Variants in TM4SF19 observed in about 807,000 individuals in gnomAD.
TM4SF19 encodes transmembrane 4 L six family member 19.
A neutral mutation model predicts 21.8 loss-of-function variants in TM4SF19; 17 were observed. The observed-to-expected ratio is 0.78, with a 90% confidence interval of 0.53 to 1.17. The LOEUF is 1.17. TM4SF19 is among the 50% of genes most tolerant of loss of function. The pLI is 0.00. For synonymous variants in TM4SF19, 107 were observed against 106.7 expected (o/e 1.00, Z -0.02); for missense variants, 216 against 252.1 (o/e 0.86, Z 0.97).
At chr3:196,327,342 G>A (rs185711966) in intron 2 of TM4SF19, 48 bp downstream of exon 2, 31 of 1,570,134 alleles carry the variant, frequency 2.0e-5, no homozygotes, top group African/African-American at 4.1e-5. Flanking sequence ...CCTGCTCCCC[G>A]CCGGGGTCTC....
chr3:196,328,527 A>T (rs1048120837), intron 1 of TM4SF19, among the ~76,000 whole-genome samples: 4 of 152,224 alleles, frequency 2.6e-5, no homozygotes, highest in Non-Finnish European at 5.9e-5. Context: ...ATATGGATGA[A>T]TTTAACAAAA....
In TM4SF19 at chr3:196,337,249, GT is replaced by G. The variant is rs543807792; in HGVS notation, c.-2+1014del. ...AATTTTGTATTTTTAGTAGTGATGG[GT>G]TTTCGCCATGTGGGTCAGGCTGGCC... On this transcript the variant is annotated intron_variant, in intron 1 of 4. Transcript: ENST00000273695. Among the ~76,000 whole-genome samples, 16 of 151,916 alleles carry G rather than the reference GT, an allele frequency of 1.1e-4. No homozygotes were observed. The East Asian group carries it at 3.1e-3, about 29-fold the overall frequency.
At chr3:196,330,336 G>A (rs1283136067) in intron 1 of TM4SF19, among the ~76,000 whole-genome samples, 9 of 152,006 alleles carry the variant, frequency 5.9e-5, no homozygotes, top group Non-Finnish European at 1.3e-4. Flanking sequence ...TAATGGTAAT[G>A]GTTGCACATC....
intron 1 of TM4SF19, among the ~76,000 whole-genome samples, chr3:196,333,931 T>G (rs886308900): frequency 2.6e-5 from 4 of 152,028 alleles, no homozygotes; most frequent in East Asian, 3.9e-4. Flanking sequence ...AATGGTGGTG[T>G]GCGCCTGTAA....
At chr3:196,326,419 T>C (rs944778993) in intron 3 of TM4SF19, among the ~76,000 whole-genome samples, 8 of 151,382 alleles carry the variant, frequency 5.3e-5, no homozygotes, top group African/African-American at 1.7e-4. Context: ...TGTGTGTTTG[T>C]TACACACACA....
intron 3 of TM4SF19, among the ~76,000 whole-genome samples, chr3:196,326,132 G>A (rs1432732489): frequency 2.6e-5 from 4 of 152,100 alleles, no homozygotes; most frequent in East Asian, 1.9e-4. Context: ...CCACCACCAC[G>A]CCCAGCTAAT....
chr3:196,337,232 A>G (rs961442519), intron 1 of TM4SF19, among the ~76,000 whole-genome samples: 1 of 151,636 alleles, frequency 6.6e-6, no homozygotes, highest in Non-Finnish European at 1.5e-5. Context: ...CTAATTTTGT[A>G]TTTTTAGTAG....
intron 1 of TM4SF19, among the ~76,000 whole-genome samples, chr3:196,337,676 C>G (rs74704626): frequency 6.6e-6 from 1 of 152,210 alleles, no homozygotes; most frequent in Non-Finnish European, 1.5e-5. Context: ...AGTGCCTGTG[C>G]GGCAGGCAGG....
rs62409181 is a variant in TM4SF19 at position 196,325,475 on chromosome 3, C to T, written c.280-1035G>A. On this transcript the variant is annotated intron_variant, in intron 3 of 4. Coordinates refer to ENST00000273695, the MANE Select transcript of TM4SF19 (RefSeq NM_138461.4). The surrounding 1 kb of genome is among the most constrained non-coding windows in gnomAD (Gnocchi z 4.3). ...TCAGCCTCCCAAAGTGCTGGGATTA[C>T]AGGCATGAGCCACCGTGCCCGGCCC... is the stretch of plus-strand genomic sequence containing the variant. 17,064 of 152,286 alleles carry T rather than the reference C, an allele frequency of 0.11. 1,241 individuals carry two copies. Among genetic ancestry groups the T allele is most frequent in the Middle Eastern group, 0.18 (54 of 294 alleles). The allele number at this position is 152,286 out of a possible 1,614,324, so 9.4% of individuals were successfully genotyped here. A position where few individuals can be genotyped will look rare whatever the true frequency, so the allele number is the denominator to read the frequency against.
intron 1 of TM4SF19, among the ~76,000 whole-genome samples, chr3:196,330,141 G>A (rs568337314): frequency 5.5e-5 from 7 of 127,236 alleles, no homozygotes; most frequent in Non-Finnish European, 8.6e-5. Context: ...CACCGCGCGC[G>A]GTGGTTTTGG....
At chr3:196,337,048 ATTCT>A (rs1157588858) in intron 1 of TM4SF19, among the ~76,000 whole-genome samples, 2 of 128,680 alleles carry the variant, frequency 1.6e-5, no homozygotes, top group Non-Finnish European at 3.3e-5. Context: ...GCAAAAAGCA[ATTCT>A]TTTTTTTTTT....
chr3:196,334,611 G>C (rs1410688042), intron 1 of TM4SF19, among the ~76,000 whole-genome samples: 1 of 151,944 alleles, frequency 6.6e-6, no homozygotes. Context: ...ACACCACCAT[G>C]CCCGGCTAAT....
intron 1 of TM4SF19, among the ~76,000 whole-genome samples, chr3:196,336,270 C>A (rs1483970313): frequency 6.6e-6 from 1 of 152,040 alleles, no homozygotes; most frequent in African/African-American, 2.4e-5. Context: ...TCCTGAGTAG[C>A]TGGGATTACA....
In TM4SF19 at chr3:196,331,615, C is replaced by T. The variant is rs1344721925; in HGVS notation, c.-1-4024G>A. ...CCAGCCTGGCCATCATGACGAAACC[C>T]CATCTCTACTAAAAATACAAAACTA... On this transcript the variant is annotated intron_variant, in intron 1 of 4. Transcript: ENST00000273695. Among the ~76,000 whole-genome samples, 6 of 151,818 alleles carry T rather than the reference C, an allele frequency of 4.0e-5. No individual in the cohort carries two copies. In the South Asian group the frequency reaches 8.3e-4, roughly 21 times the overall value.
At chr3:196,337,917 T>G (rs1212974320) in intron 1 of TM4SF19, among the ~76,000 whole-genome samples, 11 of 151,136 alleles carry the variant, frequency 7.3e-5, no homozygotes, top group Non-Finnish European at 1.5e-5. Context: ...ACTCGCTGGA[T>G]TCACAGCTGG....
At position 196,327,378 on chromosome 3, in the gene TM4SF19, C is replaced by G. The variant is rs1420903839; in HGVS notation, c.201+12G>C. ...TTTGAGAGTTCACGTTCAGGGAACC[C>G]CGGACACTTACCATGAGGCCTCCTC... is the stretch of plus-strand genomic sequence containing the variant. On this transcript the variant is annotated intron_variant, in intron 2 of 4. Transcript: ENST00000273695. The G allele has an allele frequency of 5.6e-6, 9 of 1,613,000 alleles. No homozygotes were observed. Among genetic ancestry groups the G allele is most frequent in the African/African-American group, 1.3e-5 (1 of 75,036 alleles).
At chr3:196,331,367 A>G (rs1727499302) in intron 1 of TM4SF19, among the ~76,000 whole-genome samples, 2 of 151,570 alleles carry the variant, frequency 1.3e-5, no homozygotes, top group South Asian at 4.2e-4. Flanking sequence ...ATCTGAAAAA[A>G]GTCAGCGTCA....
intron 1 of TM4SF19, among the ~76,000 whole-genome samples, chr3:196,337,585 T>G (rs1166073569): frequency 6.6e-6 from 1 of 152,146 alleles, no homozygotes; most frequent in African/African-American, 2.4e-5. Context: ...CCTCTAGTGC[T>G]GCTCCGCGGG....
At chr3:196,331,448 CTATT>C (rs201100302) in intron 1 of TM4SF19, among the ~76,000 whole-genome samples, 1,766 of 151,226 alleles carry the variant, frequency 0.012, 12 homozygotes, top group Non-Finnish European at 0.017. Context: ...TTAAGGCTCG[CTATT>C]TATTTATTTA....
Sources: allele counts gnomAD v4.1 joint callset (sites outside exome capture counted in the v4.1 genomes callset), GRCh38; gene constraint gnomAD v4.1.1; non-coding constraint Gnocchi (gnomAD v3.1); transcripts MANE v1.5; gene names NCBI Gene and HGNC (gene_info 2026-07-23, HGNC 2026-07-21).